The following ENOX2 variants were observed in gnomAD, a reference collection of about 807,000 sequenced individuals.
ENOX2 encodes APK1 antigen.
ENOX2 carries 36 observed loss-of-function variants against 45.0 expected under a neutral mutation model. That is an observed-to-expected ratio of 0.80 (90% confidence interval 0.61 to 1.06). ENOX2 has a LOEUF of 1.06. Ranked by LOEUF, ENOX2 falls within the 50% of genes least tolerant of loss-of-function variation. ENOX2 has a pLI of 0.00. For synonymous variants in ENOX2, 174 were observed against 152.3 expected, an observed-to-expected ratio of 1.14 and a Z score of -1.05; for missense variants, 423 against 462.5, an observed-to-expected ratio of 0.91 and a Z score of 0.78.
intron 2 of ENOX2, among the ~76,000 whole-genome samples, chrX:130,891,865 AT>A (rs1337239328): frequency 5.4e-5 from 6 of 112,058 alleles, no homozygotes; most frequent in African/African-American, 1.9e-4. Flanking sequence ...CTGGGTTGAC[AT>A]TTTTTTAAAT....
chrX:130,766,250 C>T lies in ENOX2; in HGVS notation c.-39+17297G>A, dbSNP rs1425918108. On this transcript the variant is annotated intron_variant, in intron 3 of 14. Coordinates refer to ENST00000394363, the MANE Select transcript of ENOX2 (RefSeq NM_006375.4). The stretch of plus-strand genomic sequence containing the variant: ...AGCTAACTGGCCAAATGTGTGTGTA[C>T]AATTTTCTGAAATGTCTGTTCATGT... Among the ~76,000 whole-genome samples the T allele has an allele frequency of 2.7e-5, 3 of 111,473 alleles. 1 individual carries two copies. The Admixed American group carries it at 2.9e-4, about 11-fold the overall frequency.
At chrX:130,780,173 A>G (rs1446611252) in intron 3 of ENOX2, among the ~76,000 whole-genome samples, 1 of 111,594 alleles carries the variant, frequency 9.0e-6, no homozygotes, top group Non-Finnish European at 1.9e-5. Flanking sequence ...GAAAAAAAAG[A>G]AAGCTGAAAA....
chrX:130,654,121 T>C (rs1018261523), intron 10 of ENOX2, among the ~76,000 whole-genome samples: 2 of 112,279 alleles, frequency 1.8e-5, no homozygotes, highest in African/African-American at 3.2e-5. Flanking sequence ...TTATGTTTAC[T>C]GGGTACAGTA....
intron 3 of ENOX2, among the ~76,000 whole-genome samples, chrX:130,708,178 T>C (rs2038089052): frequency 9.0e-6 from 1 of 111,604 alleles, no homozygotes; most frequent in Non-Finnish European, 1.9e-5. Context: ...ACCTTATAGG[T>C]TTGTTGAAGA....
intron 2 of ENOX2, among the ~76,000 whole-genome samples, chrX:130,891,884 T>C (rs1250577343): frequency 8.9e-6 from 1 of 112,208 alleles, no homozygotes; most frequent in Non-Finnish European, 1.9e-5. Flanking sequence ...AATTTCATTT[T>C]ACAGTTTGGT....
chrX:130,663,397 G>A (rs906913239), intron 9 of ENOX2, among the ~76,000 whole-genome samples: 2 of 110,484 alleles, frequency 1.8e-5, no homozygotes, highest in African/African-American at 6.6e-5. Flanking sequence ...CAGGCATGGC[G>A]GCGTGTGCCT....
Position 130,623,271 on chromosome X carries a change from GTTGA to G in ENOX2, c.*2039_*2042del, listed in dbSNP as rs1397739936. On this transcript the variant is annotated 3_prime_UTR_variant, in exon 15 of 15. Transcript: ENST00000394363. ...CAGAAACAGACAATCTGCAATGTAA[GTTGA>G]TTAAGTGAAGGAGAGTAAGGTATTT... The G allele has an allele frequency of 9.0e-6, 1 of 111,721 alleles. No individual in the cohort carries two copies. Among genetic ancestry groups the G allele is most frequent in the Non-Finnish European group, 1.9e-5 (1 of 53,182 alleles). 9.2% of individuals were successfully genotyped at this position (111,721 alleles called of 1,213,427 possible).
chrX:130,682,583 CAAAAA>C (rs55875735), intron 5 of ENOX2, among the ~76,000 whole-genome samples: 1 of 14,659 alleles, frequency 6.8e-5, no homozygotes, highest in African/African-American at 2.0e-4. Context: ...GACTCCGTCT[CAAAAA>C]AAAAAAAAAA....
At chrX:130,821,306 G>T (rs1603359953) in intron 2 of ENOX2, among the ~76,000 whole-genome samples, 1 of 99,585 alleles carries the variant, frequency 1.0e-5, no homozygotes, top group Admixed American at 1.1e-4. Flanking sequence ...GTCCAACAAT[G>T]ATAGACTGGA....
chrX:130,641,941 A>C (rs1299900297), intron 10 of ENOX2, among the ~76,000 whole-genome samples: 3 of 111,577 alleles, frequency 2.7e-5, no homozygotes, highest in African/African-American at 9.8e-5. Context: ...ATTGATGGAG[A>C]AGTACAAGGA....
At chrX:130,727,240 G>A (rs754921649) in intron 3 of ENOX2, among the ~76,000 whole-genome samples, 1 of 112,076 alleles carries the variant, frequency 8.9e-6, no homozygotes, top group African/African-American at 3.2e-5. Context: ...CTTATTTTAT[G>A]GGGGAGCAAA....
intron 7 of ENOX2, among the ~76,000 whole-genome samples, chrX:130,669,360 T>A (rs1160754655): frequency 8.9e-6 from 1 of 112,269 alleles, no homozygotes; most frequent in Non-Finnish European, 1.9e-5. Context: ...GGGAAAGCAG[T>A]CTGATTAAGC....
chrX:130,650,771 A>G (rs1434828906), intron 10 of ENOX2, among the ~76,000 whole-genome samples: 1 of 111,998 alleles, frequency 8.9e-6, no homozygotes, highest in Non-Finnish European at 1.9e-5. Flanking sequence ...ATATGAAAGT[A>G]TGAAGGCAGC....
intron 3 of ENOX2, among the ~76,000 whole-genome samples, chrX:130,703,512 TTCTCTC>T (rs59009662): frequency 4.4e-4 from 46 of 105,485 alleles, no homozygotes; most frequent in African/African-American, 1.1e-3. Flanking sequence ...CCTTTCTTCC[TTCTCTC>T]TCTCTCTCTC....
At chrX:130,675,157 T>C (rs189687748) in intron 6 of ENOX2, among the ~76,000 whole-genome samples, 2 of 110,937 alleles carry the variant, frequency 1.8e-5, no homozygotes, top group African/African-American at 6.6e-5. Flanking sequence ...CTGGGTCAAA[T>C]GGTATTTCTA....
In ENOX2 at chrX:130,769,811, G is replaced by T. The variant is rs1215193235; in HGVS notation, c.-39+13736C>A. Among the ~76,000 whole-genome samples, 3 of 112,278 alleles carry T rather than the reference G, an allele frequency of 2.7e-5. No homozygotes were observed. In the East Asian group the frequency reaches 8.4e-4, roughly 31 times the overall value. On this transcript the variant is annotated intron_variant, in intron 3 of 14. Transcript: ENST00000394363. ...TCTTGAGAATGCTTCCAAATGGCTT[G>T]CATAAATAGGCTAAATATTGTCCTG...
chrX:130,688,573 T>C (rs2037506034), intron 5 of ENOX2, among the ~76,000 whole-genome samples: 1 of 112,369 alleles, frequency 8.9e-6, no homozygotes, highest in Non-Finnish European at 1.9e-5. Context: ...CTGCAGATGA[T>C]GGTGTTGAGC....
At chrX:130,761,583 G>A (rs2039491377) in intron 3 of ENOX2, among the ~76,000 whole-genome samples, 2 of 111,796 alleles carry the variant, frequency 1.8e-5, no homozygotes, top group Non-Finnish European at 3.8e-5. Context: ...AAACTTTACA[G>A]AAAGCATGGT....
At chrX:130,666,446 G>A (rs2036834835) in intron 8 of ENOX2, among the ~76,000 whole-genome samples, 1 of 111,934 alleles carries the variant, frequency 8.9e-6, no homozygotes, top group South Asian at 3.7e-4. Context: ...CCTAATCACA[G>A]TTCAAGAGAG....
Sources: gnomAD v4.1 joint callset for allele counts (sites outside exome capture counted in the v4.1 genomes callset) on GRCh38, gnomAD v4.1.1 for gene constraint, MANE v1.5 for transcripts, NCBI Gene and HGNC (gene_info 2026-07-23, HGNC 2026-07-21) for gene names.